SHB: variants seen among roughly 807,000 people sequenced by gnomAD.
The protein encoded by SHB is SH2 domain containing adaptor protein B.
A neutral mutation model predicts 52.3 loss-of-function variants in SHB; 20 were observed. That is an observed-to-expected ratio of 0.38 (90% confidence interval 0.27 to 0.56). The LOEUF is 0.56. Ranked by LOEUF, SHB falls within the 20% of genes least tolerant of loss-of-function variation. The pLI, the probability that SHB is intolerant of heterozygous loss-of-function variation, is 0.71. For synonymous variants in SHB, 397 were observed against 316.5 expected, an observed-to-expected ratio of 1.25 and a Z score of -2.70; for missense variants, 825 against 723.3, an observed-to-expected ratio of 1.14 and a Z score of -1.61.
chr9:37,937,444 G>A (rs1267395387), intron 5 of SHB, among the ~76,000 whole-genome samples: 8 of 151,446 alleles, frequency 5.3e-5, no homozygotes, highest in African/African-American at 1.9e-4. Context: ...CCTCTTGGGT[G>A]AAATAATCTT....
chr9:37,988,659 G>T (rs1169160913), intron 2 of SHB, among the ~76,000 whole-genome samples: 1 of 152,216 alleles, frequency 6.6e-6, no homozygotes, highest in South Asian at 2.1e-4. Flanking sequence ...GTGTCAACAT[G>T]GTTGTCCTAT....
chr9:38,020,922 C>T (rs573192731), intron 1 of SHB, among the ~76,000 whole-genome samples: 20 of 152,230 alleles, frequency 1.3e-4, no homozygotes, highest in Non-Finnish European at 2.8e-4. Flanking sequence ...AATTTACTCT[C>T]AGCAAACTCG....
intron 2 of SHB, among the ~76,000 whole-genome samples, chr9:38,006,779 C>T (rs1049215830): frequency 6.6e-6 from 1 of 152,210 alleles, no homozygotes; most frequent in Admixed American, 6.5e-5. Flanking sequence ...CCAATGGCAA[C>T]CCTCAGGGCC....
chr9:38,060,910 T>A (rs1821883114), intron 1 of SHB, among the ~76,000 whole-genome samples: 1 of 152,236 alleles, frequency 6.6e-6, no homozygotes, highest in African/African-American at 2.4e-5. Context: ...GCGGGCACTA[T>A]CCAGGCCCTG....
chr9:37,927,531 G>A lies in SHB; in HGVS notation c.1347-7527C>T, dbSNP rs117602322. 6.6e-3 allele frequency among the ~76,000 whole-genome samples: 1,000 copies of A among 152,326 alleles called. 8 individuals carry two copies. The highest frequency in any genetic ancestry group is 0.037 in the Middle Eastern group (11 of 294). On this transcript the variant is annotated intron_variant, in intron 5 of 5. Coordinates refer to ENST00000377707, the MANE Select transcript of SHB (RefSeq NM_003028.3). ...AAATCATGACAAAAAGCCATCTCTA[G>A]GCAGGAGAGCTGGCAGATGCCTCTC...
At chr9:37,965,533 G>A (rs1347861018) in intron 3 of SHB, among the ~76,000 whole-genome samples, 1 of 151,836 alleles carries the variant, frequency 6.6e-6, no homozygotes, top group East Asian at 1.9e-4. Context: ...GCTCCTAAGA[G>A]AACACAGGGT....
In SHB at chr9:38,067,891, G is replaced by C. The variant is rs567342111; in HGVS notation, c.717+38C>G. ...CCTCGGTTTCCCCGTGCGCACCGTG[G>C]CTCTGGAACCTCGGGAAGAGGCCAA... is the stretch of plus-strand genomic sequence containing the variant. On this transcript the variant is annotated intron_variant, in intron 1 of 5. Coordinates refer to ENST00000377707, the MANE Select transcript of SHB (RefSeq NM_003028.3). 1.8e-4 allele frequency: 260 copies of C among 1,421,754 alleles called. 5 individuals carry two copies. The South Asian group carries it at 3.5e-3, about 19-fold the overall frequency. 88.1% of individuals were successfully genotyped at this position (1,421,754 alleles called of 1,614,324 possible).
intron 2 of SHB, among the ~76,000 whole-genome samples, chr9:37,978,371 C>T (rs953553583): frequency 2.6e-4 from 39 of 152,164 alleles, no homozygotes; most frequent in Admixed American, 2.2e-3. Flanking sequence ...ACAAGCCTCC[C>T]CCACTACATT....
intron 2 of SHB, among the ~76,000 whole-genome samples, chr9:38,000,619 T>C (rs1379163909): frequency 6.6e-6 from 1 of 152,258 alleles, no homozygotes; most frequent in Non-Finnish European, 1.5e-5. Context: ...TCTGCAACGC[T>C]GGGCTAACCT....
chr9:37,956,142 T>TA, intron 3 of SHB, 88 bp from the exon 4 acceptor site: 1 of 1,248,620 alleles, frequency 8.0e-7, no homozygotes, highest in Non-Finnish European at 1.1e-6. Context: ...TCAGCTGGTC[T>TA]AGTTGGCAAT....
chr9:37,944,829 T>G (rs1200821401), intron 5 of SHB, among the ~76,000 whole-genome samples: 1 of 152,166 alleles, frequency 6.6e-6, no homozygotes, highest in Non-Finnish European at 1.5e-5. Flanking sequence ...AAGGTTCAGG[T>G]GCAGCCTTCT....
intron 3 of SHB, among the ~76,000 whole-genome samples, chr9:37,966,532 C>T (rs2117945465): frequency 6.6e-6 from 1 of 152,298 alleles, no homozygotes; most frequent in African/African-American, 2.4e-5. Context: ...CCCCCCTTTC[C>T]TGGGCAGACC....
chr9:38,003,447 C>T (rs1397480087), intron 2 of SHB, among the ~76,000 whole-genome samples: 1 of 152,030 alleles, frequency 6.6e-6, no homozygotes, highest in South Asian at 2.1e-4. Context: ...ATCCTCCCCG[C>T]GGCTCCCCGT....
chr9:37,965,142 A>C (rs1168089281), intron 3 of SHB, among the ~76,000 whole-genome samples: 2 of 152,168 alleles, frequency 1.3e-5, no homozygotes, highest in East Asian at 1.9e-4. Flanking sequence ...CCCCAGCCCC[A>C]CTGTGTATGT....
Position 37,917,705 on chromosome 9 carries a change from C to T in SHB, c.*2116G>A, listed in dbSNP as rs990661229. 9.2e-5 allele frequency among the ~76,000 whole-genome samples: 14 copies of T among 152,350 alleles called. No homozygotes were observed. The highest frequency in any genetic ancestry group is 2.9e-4 in the African/African-American group (12 of 41,594). On this transcript the variant is annotated 3_prime_UTR_variant, in exon 6 of 6. Coordinates refer to ENST00000377707, the MANE Select transcript of SHB (RefSeq NM_003028.3). Reference sequence around the variant, plus strand: ...CTTCCCACTCCCCCAAAGGAAAGCACGAATCGTTCCAGGGTGTCCCTGCCT... The same window carrying T: ...CTTCCCACTCCCCCAAAGGAAAGCATGAATCGTTCCAGGGTGTCCCTGCCT...
chr9:38,034,773 T>G (rs1221119758), intron 1 of SHB, among the ~76,000 whole-genome samples: 2 of 152,240 alleles, frequency 1.3e-5, no homozygotes, highest in East Asian at 1.9e-4. Flanking sequence ...CTCAGCTCAC[T>G]GCAACCTCTG....
intron 2 of SHB, among the ~76,000 whole-genome samples, chr9:38,012,755 C>A (rs1353670167): frequency 2.0e-5 from 3 of 151,040 alleles, no homozygotes; most frequent in African/African-American, 7.3e-5. Context: ...GAGGGCACAG[C>A]CTTCTTGTCA....
In SHB at chr9:37,916,167, C is replaced by T. The variant is rs3747545; in HGVS notation, c.*3654G>A. Among the ~76,000 whole-genome samples, 10,509 of 152,286 alleles carry T rather than the reference C, an allele frequency of 0.069. 458 individuals are homozygous for T. The highest frequency in any genetic ancestry group is 0.1 in the South Asian group (505 of 4,826). ...AGGTGCGCCCACATCTAAGACTGTG[C>T]GCCCTGCACTCCCTCTGGATGGCTT... On this transcript the variant is annotated 3_prime_UTR_variant, in exon 6 of 6. Transcript: ENST00000377707.
At chr9:38,033,841 TG>T (rs1821448646) in intron 1 of SHB, among the ~76,000 whole-genome samples, 2 of 148,610 alleles carry the variant, frequency 1.3e-5, no homozygotes, top group South Asian at 4.2e-4. Context: ...AGGAAAAAAC[TG>T]CTGTAAAATC....
Sources: gnomAD v4.1 joint callset for allele counts (sites outside exome capture counted in the v4.1 genomes callset) on GRCh38, gnomAD v4.1.1 for gene constraint, MANE v1.5 for transcripts, NCBI Gene and HGNC (gene_info 2026-07-23, HGNC 2026-07-21) for gene names.